The following NFX1 variants were observed in gnomAD, a reference collection of about 807,000 sequenced individuals.
NFX1 encodes the protein nuclear transcription factor, X-box binding 1.
NFX1 carries 69 observed loss-of-function variants against 137.2 expected under a neutral mutation model. That is an observed-to-expected ratio of 0.50 (90% CI 0.41 to 0.61). NFX1 has a LOEUF of 0.61. Among genes scored for constraint, NFX1 ranks in the 20% least tolerant of loss-of-function variants. The pLI is 0.00. For synonymous variants in NFX1, 495 were observed against 474.1 expected, an observed-to-expected ratio of 1.04 and a Z score of -0.57; for missense variants, 1,167 against 1,391.0, an observed-to-expected ratio of 0.84 and a Z score of 2.56.
At position 33,333,628 on chromosome 9, in the gene NFX1, CAA is replaced by C. The variant is rs541581129; in HGVS notation, c.2035+1128_2035+1129del. Among the ~76,000 whole-genome samples the C allele has an allele frequency of 1.7e-3, 260 of 152,288 alleles. 1 individual carries two copies. The highest frequency in any genetic ancestry group is 3.0e-3 in the Non-Finnish European group (206 of 68,018). On this transcript the variant is annotated intron_variant, in intron 11 of 23. Coordinates refer to ENST00000379540, the MANE Select transcript of NFX1 (RefSeq NM_002504.6). ...TTCTTCTGCCTAAACCTGTAACTAGCAAAGTGAATGGAATTACCATGGTGGGT... is the reference window on the plus strand; with the variant it reads ...TTCTTCTGCCTAAACCTGTAACTAGCAGTGAATGGAATTACCATGGTGGGT...
At chr9:33,309,137 C>T (rs1247401945) in intron 5 of NFX1, among the ~76,000 whole-genome samples, 1 of 152,156 alleles carries the variant, frequency 6.6e-6, no homozygotes, top group Non-Finnish European at 1.5e-5. Flanking sequence ...GCGGGTGGAT[C>T]ACGAGGCCAG....
intron 3 of NFX1, among the ~76,000 whole-genome samples, chr9:33,301,990 T>G (rs1231984879): frequency 3.3e-5 from 5 of 152,214 alleles, no homozygotes; most frequent in Non-Finnish European, 5.9e-5. Flanking sequence ...AAGAATTGCT[T>G]GAATCCAGGA....
rs796521735 is a variant in NFX1, at chr9:33,317,533, T to TA, written c.1589-1186dup. On this transcript the variant is annotated intron_variant, in intron 7 of 23. Coordinates refer to ENST00000379540, the MANE Select transcript of NFX1 (RefSeq NM_002504.6). ...TCCTTGAATCTTAAATTCAGCTAAT[T>TA]AAAAAAAAAAAATCAAGGCAGGCAC... Among the ~76,000 whole-genome samples the TA allele has an allele frequency of 6.9e-3, 918 of 134,006 alleles. 8 individuals carry two copies. Among genetic ancestry groups the TA allele is most frequent in the African/African-American group, 0.022 (795 of 36,402 alleles). 87.9% of individuals were successfully genotyped at this position (134,006 alleles called of 152,430 possible). A position where few individuals can be genotyped will look rare whatever the true frequency, so the allele number is the denominator to read the frequency against.
chr9:33,338,159 A>G (rs1823080749), intron 11 of NFX1, among the ~76,000 whole-genome samples: 1 of 151,986 alleles, frequency 6.6e-6, no homozygotes. Flanking sequence ...GTTAAAGACC[A>G]GTTTGGACAA....
chr9:33,367,961 C>T (rs374601839), intron 23 of NFX1, among the ~76,000 whole-genome samples: 13 of 152,200 alleles, frequency 8.5e-5, no homozygotes, highest in African/African-American at 2.2e-4. Context: ...GGGCCGGGCG[C>T]GGTGGCTCAC....
chr9:33,291,173 G>A (rs1821147239), intron 1 of NFX1, among the ~76,000 whole-genome samples: 1 of 152,216 alleles, frequency 6.6e-6, no homozygotes, highest in South Asian at 2.1e-4. Flanking sequence ...AGTTGCCTCA[G>A]TGTGTAGAGA....
In NFX1 at chr9:33,348,573, C is replaced by G. The variant is rs552550890; in HGVS notation, c.2424+1456C>G. ...AATAATGAAAAAGTCTGAGATGTTG[C>G]GAGAATTACCAAAATGTGATGCAGA... is the stretch of plus-strand genomic sequence containing the variant. On this transcript the variant is annotated intron_variant, in intron 15 of 23. Coordinates refer to ENST00000379540, the MANE Select transcript of NFX1 (RefSeq NM_002504.6). 3 of 162,216 alleles carry G rather than the reference C, an allele frequency of 1.8e-5. No homozygotes were observed. The Admixed American group carries it at 2.0e-4, about 11-fold the overall frequency. 10.0% of individuals were successfully genotyped at this position (162,216 alleles called of 1,614,324 possible).
intron 12 of NFX1, 47 bp from the exon 13 acceptor site, chr9:33,342,699 A>G (rs112441794): frequency 7.7e-7 from 1 of 1,298,944 alleles, no homozygotes; most frequent in Non-Finnish European, 1.1e-6. Context: ...TATGGAAAAT[A>G]TAAAATGAAG....
chr9:33,309,125 A>C (rs1440789933), intron 5 of NFX1, among the ~76,000 whole-genome samples: 1 of 152,200 alleles, frequency 6.6e-6, no homozygotes, highest in Non-Finnish European at 1.5e-5. Flanking sequence ...TGGGAGGCCA[A>C]GGCGGGTGGA....
chr9:33,354,808 A>G, intron 18 of NFX1, 43 bp from the exon 19 acceptor site: 1 of 1,577,002 alleles, frequency 6.3e-7, no homozygotes, highest in Non-Finnish European at 8.7e-7. Flanking sequence ...GGAGCTGTAC[A>G]GTCTGTATTC....
Position 33,369,676 on chromosome 9 carries a change from G to A in NFX1, c.3291-230G>A, listed in dbSNP as rs188816516. Among the ~76,000 whole-genome samples the A allele has an allele frequency of 4.6e-3, 701 of 152,174 alleles. 1 individual carries two copies. The highest frequency in any genetic ancestry group is 6.6e-3 in the Non-Finnish European group (450 of 68,000). ...ACTGTAAAGTGTAAATAGAGAATTT[G>A]TTATCTCACAGAATAAAATTCCCCA... is the stretch of plus-strand genomic sequence containing the variant. On this transcript the variant is annotated intron_variant, in intron 23 of 23. Transcript: ENST00000379540.
intron 9 of NFX1, among the ~76,000 whole-genome samples, chr9:33,327,399 C>T (rs905609434): frequency 6.6e-6 from 1 of 152,142 alleles, no homozygotes; most frequent in African/African-American, 2.4e-5. Context: ...GAGTCTTGCT[C>T]TGTTGCCCAG....
chr9:33,300,239 A>G (rs532949944), intron 2 of NFX1, among the ~76,000 whole-genome samples: 23 of 151,684 alleles, frequency 1.5e-4, no homozygotes, highest in African/African-American at 4.1e-4. Flanking sequence ...TAATTTTTGT[A>G]TTCTTAGTAG....
Position 33,359,820 on chromosome 9 carries a change from G to T in NFX1, c.2874-4190G>T, listed in dbSNP as rs114634847. Among the ~76,000 whole-genome samples the T allele has an allele frequency of 3.7e-3, 567 of 152,272 alleles. 1 individual carries two copies. The highest frequency in any genetic ancestry group is 0.013 in the African/African-American group (539 of 41,546). Reference sequence around the variant, plus strand: ...TAATAATTGGAGAATTTAGGTGAAGGTTATATAGAAGTTTATGGTAATATT... The same window carrying T: ...TAATAATTGGAGAATTTAGGTGAAGTTTATATAGAAGTTTATGGTAATATT... On this transcript the variant is annotated intron_variant, in intron 19 of 23. Transcript: ENST00000379540.
chr9:33,300,310 G>A (rs775088732), intron 2 of NFX1, among the ~76,000 whole-genome samples: 1 of 151,800 alleles, frequency 6.6e-6, no homozygotes, highest in Non-Finnish European at 1.5e-5. Context: ...TGATCTGCCC[G>A]CCTTGGCCTC....
intron 11 of NFX1, among the ~76,000 whole-genome samples, chr9:33,337,387 A>T (rs1221928734): frequency 1.3e-5 from 2 of 152,232 alleles, no homozygotes; most frequent in African/African-American, 2.4e-5. Flanking sequence ...ACCATTTTGT[A>T]TAAGAGACTT....
intron 19 of NFX1, 83 bp downstream of exon 19, chr9:33,354,975 A>C: frequency 7.5e-7 from 1 of 1,336,050 alleles, no homozygotes. Flanking sequence ...TTCAAACGTC[A>C]TTCACTCAGC....
At chr9:33,304,902 A>G (rs1421886348) in intron 4 of NFX1, among the ~76,000 whole-genome samples, 1 of 152,222 alleles carries the variant, frequency 6.6e-6, no homozygotes, top group South Asian at 2.1e-4. Context: ...CAATGGAATT[A>G]AAAATCTTGT....
chr9:33,363,853 T>C (rs1266236981), intron 19 of NFX1, among the ~76,000 whole-genome samples, 157 bp from the exon 20 acceptor site: 1 of 152,174 alleles, frequency 6.6e-6, no homozygotes, highest in Non-Finnish European at 1.5e-5. Flanking sequence ...TACCACCTCA[T>C]GTCCCAAGTT....
Sources: gnomAD v4.1 joint callset for allele counts (sites outside exome capture counted in the v4.1 genomes callset) on GRCh38, gnomAD v4.1.1 for gene constraint, MANE v1.5 for transcripts, NCBI Gene and HGNC (gene_info 2026-07-23, HGNC 2026-07-21) for gene names.